Variants in NCALD observed in about 807,000 individuals in gnomAD.
The protein encoded by NCALD is neurocalcin delta, also known as neurocalcin-delta.
A neutral mutation model predicts 18.6 loss-of-function variants in NCALD; 10 were observed. The observed-to-expected ratio is 0.54, with a 90% CI of 0.33 to 0.91. The LOEUF (loss-of-function observed/expected upper bound fraction) is 0.91. NCALD is among the 40% of genes least tolerant of loss of function. The pLI is 0.03. For missense variants in NCALD, 184 were observed against 247.6 expected (o/e 0.74, Z 1.72); for synonymous variants, 88 against 87.4 (o/e 1.01, Z -0.04).
At chr8:101,862,409 T>C (rs749971294) in intron 4 of NCALD, among the ~76,000 whole-genome samples, 10 of 152,110 alleles carry the variant, frequency 6.6e-5, no homozygotes, top group South Asian at 6.2e-4. Context: ...TCCAAATGAA[T>C]GGTGTTTTAA....
At chr8:101,801,075 A>C (rs1257873595) in intron 4 of NCALD, among the ~76,000 whole-genome samples, 1 of 152,012 alleles carries the variant, frequency 6.6e-6, no homozygotes, top group Non-Finnish European at 1.5e-5. Context: ...AGGGAAAGGG[A>C]AAGAAAGAGG....
upstream of NCALD, among the ~76,000 whole-genome samples, chr8:101,793,411 CCTTT>C (rs1334105831): frequency 1.3e-5 from 2 of 151,986 alleles, no homozygotes; most frequent in African/African-American, 4.8e-5. Context: ...TGCATGTAGC[CCTTT>C]TTTTCTACAA....
chr8:101,841,464 A>G (rs1814640198), intron 4 of NCALD, among the ~76,000 whole-genome samples: 1 of 152,194 alleles, frequency 6.6e-6, no homozygotes, highest in Non-Finnish European at 1.5e-5. Flanking sequence ...GTCGTAGCTT[A>G]TTTAGTAGCA....
chr8:102,009,737 T>C (rs1821839848), intron 2 of NCALD, among the ~76,000 whole-genome samples: 2 of 152,366 alleles, frequency 1.3e-5, no homozygotes, highest in Non-Finnish European at 1.5e-5. Context: ...CAGTTTACCG[T>C]CTTTCTGTCT....
intron 4 of NCALD, among the ~76,000 whole-genome samples, chr8:101,832,132 C>G (rs150555986): frequency 0.019 from 2,830 of 152,230 alleles, 39 homozygotes; most frequent in South Asian, 0.048. Context: ...GCTTCGTGGT[C>G]TGGTGTGCAT....
At chr8:101,931,019 C>G (rs1818552239) in intron 2 of NCALD, among the ~76,000 whole-genome samples, 2 of 152,160 alleles carry the variant, frequency 1.3e-5, no homozygotes, top group Non-Finnish European at 2.9e-5. Flanking sequence ...TTATCAGTAC[C>G]ATATAAGCAG....
chr8:101,917,215 G>A (rs1168948690), intron 2 of NCALD, among the ~76,000 whole-genome samples: 1 of 152,022 alleles, frequency 6.6e-6, no homozygotes, highest in East Asian at 1.9e-4. Flanking sequence ...AAAATTACAT[G>A]AAAATTTAAC....
chr8:101,696,623 T>G (rs1815005566), intron 2 of NCALD, among the ~76,000 whole-genome samples: 2 of 152,162 alleles, frequency 1.3e-5, no homozygotes, highest in African/African-American at 4.8e-5. Context: ...TGTTTAGGGA[T>G]CTGTATTTCT....
At chr8:102,069,782 T>C (rs1824122129) in intron 1 of NCALD, among the ~76,000 whole-genome samples, 1 of 152,222 alleles carries the variant, frequency 6.6e-6, no homozygotes, top group Non-Finnish European at 1.5e-5. Context: ...GAAGCAGATT[T>C]CCAAACAGGA....
intron 1 of NCALD, among the ~76,000 whole-genome samples, chr8:102,108,599 A>G (rs1182606442): frequency 6.6e-6 from 1 of 152,238 alleles, no homozygotes; most frequent in Non-Finnish European, 1.5e-5. Context: ...CTTTTGTAAA[A>G]GTCTAAGGAC....
chr8:102,120,476 A>G (rs1825913515), intron 1 of NCALD, among the ~76,000 whole-genome samples: 1 of 152,180 alleles, frequency 6.6e-6, no homozygotes, highest in African/African-American at 2.4e-5. Flanking sequence ...CAGACTATGT[A>G]AGGTCTGGAG....
chr8:101,802,050 G>C (rs750024684), intron 4 of NCALD, among the ~76,000 whole-genome samples: 8 of 152,132 alleles, frequency 5.3e-5, no homozygotes, highest in Non-Finnish European at 1.0e-4. Context: ...TGGCAACCCT[G>C]CATCAAGCAA....
intron 4 of NCALD, among the ~76,000 whole-genome samples, chr8:101,809,037 A>G (rs1813212289): frequency 6.6e-6 from 1 of 152,220 alleles, no homozygotes; most frequent in Admixed American, 6.5e-5. Context: ...GAAATATCAC[A>G]TGTTTAATAA....
chr8:101,872,191 C>T, intron 4 of NCALD: 2 of 1,588,920 alleles, frequency 1.3e-6, no homozygotes, highest in Non-Finnish European at 1.7e-6. Context: ...TCCTCGTTTG[C>T]AAAGGTGCAA....
chr8:101,954,522 A>G (rs1310750549), intron 2 of NCALD, among the ~76,000 whole-genome samples: 1 of 152,162 alleles, frequency 6.6e-6, no homozygotes, highest in Non-Finnish European at 1.5e-5. Flanking sequence ...ACCATGAGGG[A>G]AACAATCGTC....
At chr8:102,077,451 CG>C (rs1370387063) in intron 1 of NCALD, among the ~76,000 whole-genome samples, 3 of 151,414 alleles carry the variant, frequency 2.0e-5, no homozygotes, top group Non-Finnish European at 2.9e-5. Flanking sequence ...GAAATTGTTT[CG>C]AAAGTAAAAG....
intron 1 of NCALD, among the ~76,000 whole-genome samples, chr8:102,105,164 G>A (rs147796097): frequency 6.6e-6 from 1 of 152,052 alleles, no homozygotes; most frequent in Non-Finnish European, 1.5e-5. Context: ...TTTCTAAGCC[G>A]CTTTGAATCA....
intron 1 of NCALD, among the ~76,000 whole-genome samples, chr8:102,034,613 G>A (rs1822796857): frequency 3.3e-5 from 5 of 152,142 alleles, no homozygotes; most frequent in Admixed American, 3.3e-4. Flanking sequence ...CTGTGTCATG[G>A]GGGCACTAGC....
intron 1 of NCALD, among the ~76,000 whole-genome samples, chr8:101,742,865 C>CCCCTGTGT (rs1355854452): frequency 3.3e-5 from 5 of 152,044 alleles, no homozygotes; most frequent in Admixed American, 1.3e-4. Flanking sequence ...TGTTCCCCCT[C>CCCCTGTGT]CCCTGTGTCC....
Sources: allele counts gnomAD v4.1 joint callset (sites outside exome capture counted in the v4.1 genomes callset), GRCh38; gene constraint gnomAD v4.1.1; transcripts MANE v1.5; gene names NCBI Gene and HGNC (gene_info 2026-07-23, HGNC 2026-07-21).